Variants in KPNA2 observed in about 807,000 individuals in gnomAD.
KPNA2 encodes karyopherin subunit alpha 2.
KPNA2 carries 20 observed loss-of-function variants against 53.7 expected under a neutral mutation model. That is an observed-to-expected ratio of 0.37 (90% CI 0.26 to 0.54). The LOEUF is 0.54. Among genes scored for constraint, KPNA2 ranks in the 20% least tolerant of loss-of-function variants. The pLI, the probability that KPNA2 is intolerant of heterozygous loss-of-function variation, is 0.83. For missense variants in KPNA2, 515 were observed against 640.3 expected (o/e 0.80, Z 2.11); for synonymous variants, 238 against 227.5 (o/e 1.05, Z -0.42).
chr17:68,042,058 T>A, intron 4 of KPNA2, 27 bp from the exon 5 acceptor site: 1 of 1,583,430 alleles, frequency 6.3e-7, no homozygotes, highest in Non-Finnish European at 8.6e-7. Flanking sequence ...ACTGTCAACT[T>A]TTATTTCTCT....
At chr17:68,043,025 A>C (rs1555704836) in intron 6 of KPNA2, 26 bp downstream of exon 6, 4 of 1,605,138 alleles carry the variant, frequency 2.5e-6, no homozygotes. Flanking sequence ...GAGTAAAGTT[A>C]CTCACTTCTT....
rs781802436 is a variant in KPNA2 at position 68,037,099 on chromosome 17, C to T, written c.-23-11C>T. On this transcript the variant is annotated splice_polypyrimidine_tract_variant and intron_variant, in intron 1 of 10. Transcript: ENST00000330459. ...ATAAAGGAAATATTTTTCTCTTCCC[C>T]CATCTTTTAGCTTTCTCCCTTTGTC... 6.6e-7 allele frequency: 1 copy of T among 1,510,700 alleles called. No individual in the cohort carries two copies. The highest frequency in any genetic ancestry group is 9.2e-7 in the Non-Finnish European group (1 of 1,090,922). 93.6% of individuals were successfully genotyped at this position (1,510,700 alleles called of 1,614,324 possible).
chr17:68,038,893 T>A (rs1363248014), intron 3 of KPNA2, among the ~76,000 whole-genome samples: 1 of 151,986 alleles, frequency 6.6e-6, no homozygotes, highest in Non-Finnish European at 1.5e-5. Context: ...CGCCGGCCTT[T>A]AGTCCTAGGT....
chr17:68,037,470 C>T lies in KPNA2; in HGVS notation c.188C>T (p.Pro63Leu), dbSNP rs998368432. The change falls in exon 3 of 11, where the codon CCG (proline) becomes CTG (leucine). Residue 63 changes from proline to leucine, a missense_variant. Physicochemically the swap from Pro to Leu is moderately conservative, Grantham distance 98. Transcript: ENST00000330459. ...VSSFPDDATS[P>L]LQENRNNQGT... ...TCATTTCCTGATGATGCTACTTCTC[C>T]GCTGCAGGAAAACCGCAACAACCAG... is the stretch of plus-strand genomic sequence containing the variant. The T allele has an allele frequency of 2.5e-6, 4 of 1,612,604 alleles. No homozygotes were observed. The highest frequency in any genetic ancestry group is 2.2e-5 in the East Asian group (1 of 44,888).
intron 10 of KPNA2, among the ~76,000 whole-genome samples, chr17:68,046,154 G>A (rs2071327602): frequency 6.6e-6 from 1 of 152,170 alleles, no homozygotes; most frequent in Non-Finnish European, 1.5e-5. Flanking sequence ...ACAACCTTGA[G>A]AATCTTAGAA....
At chr17:68,040,804 A>T in intron 4 of KPNA2, 38 bp downstream of exon 4, 84 of 1,227,048 alleles carry the variant, frequency 6.8e-5, no homozygotes, top group Non-Finnish European at 9.0e-5. Flanking sequence ...AGCCTAAGAA[A>T]TTTGTGTTTT....
intron 5 of KPNA2, 151 bp downstream of exon 5, chr17:68,042,504 C>G (rs1291058105): frequency 5.9e-6 from 5 of 844,086 alleles, no homozygotes; most frequent in Non-Finnish European, 9.4e-6. Flanking sequence ...ACAAAGGCAG[C>G]AGAGGGCCAT....
In KPNA2 at chr17:68,045,686, G is replaced by T. The variant is rs1410131692; in HGVS notation, c.1348-86G>T. 47 of 969,250 alleles carry T rather than the reference G, an allele frequency of 4.8e-5. No individual in the cohort carries two copies. In the Admixed American group the frequency reaches 8.1e-4, roughly 17 times the overall value. The allele number at this position is 969,250 out of a possible 1,614,324, so 60.0% of individuals were successfully genotyped here. On this transcript the variant is annotated intron_variant, in intron 9 of 10. Coordinates refer to ENST00000330459, the MANE Select transcript of KPNA2 (RefSeq NM_002266.4). ...TGTTAGGTGCTTATTTCTGCCTGAC[G>T]TATCAATATTCAAATTATTGATGTT...
Position 68,044,260 on chromosome 17 carries a change from A to G in KPNA2, c.1165-61A>G, listed in dbSNP as rs782181099. 343 of 1,487,204 alleles carry G rather than the reference A, an allele frequency of 2.3e-4. 2 individuals carry two copies. The highest frequency in any genetic ancestry group is 3.5e-4 in the Middle Eastern group (2 of 5,656). 92.1% of individuals were successfully genotyped at this position (1,487,204 alleles called of 1,614,324 possible). A position where few individuals can be genotyped will look rare whatever the true frequency, so the allele number is the denominator to read the frequency against. On this transcript the variant is annotated intron_variant, in intron 8 of 10. Transcript: ENST00000330459. ...TCAGTCATTGTTTTTGTGAAAAAGT[A>G]CTCTTGGAATCTTATTTGTGCAACT...
intron 4 of KPNA2, among the ~76,000 whole-genome samples, chr17:68,041,652 G>A (rs1240305645): frequency 4.6e-5 from 7 of 152,168 alleles, no homozygotes; most frequent in African/African-American, 1.7e-4. Context: ...CTTGAGCCCA[G>A]GAGGTCGAGG....
rs148998959 is a variant in KPNA2 at position 68,040,964 on chromosome 17, A to G, written c.302+198A>G. On this transcript the variant is annotated intron_variant, in intron 4 of 10. Transcript: ENST00000330459. The stretch of plus-strand genomic sequence containing the variant: ...GCTATTTTGCCCAGGCTGGCCTGGA[A>G]TGCCTGGGTTCAAGCAGTCCTCTGA... Among the ~76,000 whole-genome samples, 741 of 152,306 alleles carry G rather than the reference A, an allele frequency of 4.9e-3. 11 individuals are homozygous for G. Among genetic ancestry groups the G allele is most frequent in the African/African-American group, 0.017 (690 of 41,564 alleles).
chr17:68,037,144 C>G lies in KPNA2; in HGVS notation c.12C>G (p.Asn4Lys). 6.2e-7 allele frequency: 1 copy of G among 1,612,862 alleles called. No individual in the cohort carries two copies. The highest frequency in any genetic ancestry group is 1.1e-5 in the South Asian group (1 of 91,020). The change falls in exon 2 of 11, where the codon AAC becomes AAG. Residue 4 changes from asparagine (N) to lysine (K), a missense_variant. Asn to Lys is a moderately conservative substitution (Grantham distance 94). Coordinates refer to ENST00000330459, the MANE Select transcript of KPNA2 (RefSeq NM_002266.4). MST[N>K]ENANTPAARL... ...TTTGTCTCATAACCATGTCCACCAA[C>G]GAGAATGCTAATACACCAGCTGCCC...
intron 1 of KPNA2, 131 bp from the exon 2 acceptor site, chr17:68,036,979 A>G: frequency 1.5e-6 from 1 of 688,600 alleles, no homozygotes; most frequent in South Asian, 1.7e-5. Flanking sequence ...TAGTGCCGAA[A>G]ACATGATGAT....
Position 68,046,573 on chromosome 17 carries a change from G to A in KPNA2, c.1567G>A (p.Ala523Thr), listed in dbSNP as rs141790032. Residue 523 changes from alanine to threonine, a missense_variant, in exon 11 of 11, where the codon GCT (alanine) becomes ACT (threonine). Ala to Thr is a moderately conservative substitution (Grantham distance 58). Transcript: ENST00000330459. ...EGYTFQVQDG[A>T]PGTFNF ...CTACACTTTCCAAGTTCAGGATGGG[G>A]CTCCTGGGACCTTTAACTTTTAGAT... 537 of 1,609,282 alleles carry A rather than the reference G, an allele frequency of 3.3e-4. 9 individuals carry two copies. The East Asian group carries it at 0.011, about 34-fold the overall frequency.
intron 5 of KPNA2, 68 bp from the exon 6 acceptor site, chr17:68,042,837 C>G: frequency 8.0e-7 from 1 of 1,255,738 alleles, no homozygotes; most frequent in East Asian, 2.3e-5. Flanking sequence ...GCACTCCAGC[C>G]TGGGCGACAG....
chr17:68,044,773 T>C (rs1239654460), intron 9 of KPNA2, among the ~76,000 whole-genome samples: 3 of 152,196 alleles, frequency 2.0e-5, no homozygotes, highest in African/African-American at 7.2e-5. Flanking sequence ...AATTTCCCAA[T>C]TTCATACCGA....
At chr17:68,036,976 G>A (rs2071197214) in intron 1 of KPNA2, 134 bp from the exon 2 acceptor site, 2 of 674,540 alleles carry the variant, frequency 3.0e-6, no homozygotes, top group African/African-American at 1.8e-5. Flanking sequence ...TCATAGTGCC[G>A]AAAACATGAT....
rs2071334675 is a variant in KPNA2 at position 68,046,619 on chromosome 17, T to A, written c.*23T>A. 7.0e-7 allele frequency: 1 copy of A among 1,432,532 alleles called. No homozygotes were observed. Among genetic ancestry groups the A allele is most frequent in the Non-Finnish European group, 9.8e-7 (1 of 1,019,322 alleles). 88.7% of individuals were successfully genotyped at this position (1,432,532 alleles called of 1,614,324 possible). ...TAGATCATGTAGCTGAGACATAAAT[T>A]TGTTGTGTACTACGTTTGGTATTTT... is the stretch of plus-strand genomic sequence containing the variant. On this transcript the variant is annotated 3_prime_UTR_variant, in exon 11 of 11. Coordinates refer to ENST00000330459, the MANE Select transcript of KPNA2 (RefSeq NM_002266.4).
At chr17:68,042,843 G>T in intron 5 of KPNA2, 62 bp from the exon 6 acceptor site, 1 of 1,299,982 alleles carries the variant, frequency 7.7e-7, no homozygotes, top group South Asian at 1.2e-5. Context: ...CAGCCTGGGC[G>T]ACAGAGAGAA....
Sources: allele counts gnomAD v4.1 joint callset (sites outside exome capture counted in the v4.1 genomes callset), GRCh38; gene constraint gnomAD v4.1.1; transcripts MANE v1.5; gene names NCBI Gene and HGNC (gene_info 2026-07-23, HGNC 2026-07-21).